The following NEURL1 variants were observed in gnomAD, a reference collection of about 807,000 sequenced individuals.
The protein encoded by NEURL1 is E3 ubiquitin-protein ligase NEURL1.
Under a neutral mutation model 41.2 loss-of-function variants are expected in NEURL1, and 26 were observed. The ratio of observed to expected loss-of-function variants is 0.63; its 90% CI spans 0.46 to 0.87. NEURL1 has a LOEUF of 0.87. Ranked by LOEUF, NEURL1 falls within the 40% of genes least tolerant of loss-of-function variation. NEURL1 has a pLI of 0.00. For synonymous variants in NEURL1, 400 were observed against 402.3 expected (o/e 0.99, Z 0.07); for missense variants, 761 against 871.1 (o/e 0.87, Z 1.59).
Position 103,508,087 on chromosome 10 carries a change from A to G in NEURL1, c.85+13615A>G, listed in dbSNP as rs1430353279. Among the ~76,000 whole-genome samples the G allele has an allele frequency of 6.6e-6, 1 of 152,228 alleles. No homozygotes were observed. The highest frequency in any genetic ancestry group is 2.4e-5 in the African/African-American group (1 of 41,462). On this transcript the variant is annotated intron_variant, in intron 1 of 5. Coordinates refer to ENST00000369780, the MANE Select transcript of NEURL1 (RefSeq NM_004210.5). This position sits in a 1 kb window ranked among gnomAD's most constrained non-coding sequence, Gnocchi z 4.3. ...TGGATGGATGGCCCTGTAGTAAAAC[A>G]GAATGCGGAAGAGCAGCTGAGAACC... is the stretch of plus-strand genomic sequence containing the variant.
chr10:103,533,568 A>G (rs2863992), intron 1 of NEURL1, among the ~76,000 whole-genome samples: 36,463 of 142,874 alleles, frequency 0.26, 4,718 homozygotes, highest in East Asian at 0.29. Context: ...ATGGAGTCTC[A>G]CTCTGTCGCC....
intron 1 of NEURL1, among the ~76,000 whole-genome samples, chr10:103,557,861 T>C (rs1056474184): frequency 1.3e-5 from 2 of 152,202 alleles, no homozygotes; most frequent in African/African-American, 4.8e-5. Context: ...AAATGGTCCT[T>C]GATTGTATTA....
At chr10:103,502,368 C>T (rs565417787) in intron 1 of NEURL1, among the ~76,000 whole-genome samples, 68 of 152,250 alleles carry the variant, frequency 4.5e-4, no homozygotes, top group Admixed American at 1.1e-3. Context: ...ATCAAGGTGC[C>T]AGCACTGTCA....
Position 103,494,366 on chromosome 10 carries a change from G to T in NEURL1, c.-22G>T, listed in dbSNP as rs757996205. The T allele has an allele frequency of 1.3e-6, 2 of 1,565,152 alleles. No homozygotes were observed. Among genetic ancestry groups the T allele is most frequent in the Non-Finnish European group, 1.7e-6 (2 of 1,154,628 alleles). ...GGCCTCGCCCCCACCCGCGAGCGCC[G>T]AACCTCCTGGGGCCGGATGCCATGG... On this transcript the variant is annotated 5_prime_UTR_variant, in exon 1 of 6. Transcript: ENST00000369780.
At chr10:103,504,054 C>T (rs900258856) in intron 1 of NEURL1, among the ~76,000 whole-genome samples, 19 of 151,598 alleles carry the variant, frequency 1.3e-4, no homozygotes, top group African/African-American at 4.4e-4. Flanking sequence ...AGTGCAGTGG[C>T]GCCATCTCAG....
intron 1 of NEURL1, among the ~76,000 whole-genome samples, chr10:103,515,766 T>C (rs914044600): frequency 3.3e-5 from 5 of 152,144 alleles, no homozygotes; most frequent in African/African-American, 9.7e-5. Flanking sequence ...AAGTTTTAGA[T>C]TTGCTTTTTG....
chr10:103,496,084 T>C (rs118177631), intron 1 of NEURL1, among the ~76,000 whole-genome samples: 5,156 of 151,188 alleles, frequency 0.034, 78 homozygotes, highest in Non-Finnish European at 0.044. Flanking sequence ...CACTCCAGCC[T>C]GAGCGACAGA....
intron 1 of NEURL1, among the ~76,000 whole-genome samples, chr10:103,513,311 A>G (rs977006413): frequency 9.2e-5 from 14 of 152,238 alleles, no homozygotes; most frequent in African/African-American, 3.1e-4. Flanking sequence ...CAGCTAACAT[A>G]AACCAGCCGG....
At chr10:103,500,350 G>A (rs1396591473) in intron 1 of NEURL1, among the ~76,000 whole-genome samples, 1 of 152,204 alleles carries the variant, frequency 6.6e-6, no homozygotes, top group Non-Finnish European at 1.5e-5. Flanking sequence ...ACAGATGGGG[G>A]AAAAGGGGCT....
chr10:103,557,177 CAGA>C (rs1470574975), intron 1 of NEURL1, among the ~76,000 whole-genome samples: 2 of 152,158 alleles, frequency 1.3e-5, no homozygotes, highest in Non-Finnish European at 2.9e-5. Flanking sequence ...CCTGCAATCC[CAGA>C]CACCTTGGAG....
At position 103,570,917 on chromosome 10, in the gene NEURL1, A is replaced by G; in HGVS notation, c.131A>G (p.His44Arg). The stretch of plus-strand genomic sequence containing the variant: ...CCCGTCACTTCTCACCGATGCCACC[A>G]CAAGCAGAAGCACTGTCCGGCAGTG... ...PFPVTSHRCH[H>R]KQKHCPAVLP... The change falls in exon 2 of 6, where the codon CAC becomes CGC. Residue 44 changes from histidine to arginine, a missense_variant. Coordinates refer to ENST00000369780, the MANE Select transcript of NEURL1 (RefSeq NM_004210.5). The G allele has an allele frequency of 6.2e-7, 1 of 1,613,614 alleles. No homozygotes were observed. Among genetic ancestry groups the G allele is most frequent in the East Asian group, 2.2e-5 (1 of 44,860 alleles).
At chr10:103,513,136 C>T (rs770751489) in intron 1 of NEURL1, among the ~76,000 whole-genome samples, 4 of 152,242 alleles carry the variant, frequency 2.6e-5, no homozygotes, top group South Asian at 2.1e-4. Flanking sequence ...AAGTCTTGCT[C>T]GCTCCCCAGC....
At chr10:103,572,992 CT>C (rs554119594) in intron 3 of NEURL1, among the ~76,000 whole-genome samples, 431 of 146,006 alleles carry the variant, frequency 3.0e-3, no homozygotes, top group African/African-American at 5.9e-3. Flanking sequence ...GGTTGAAAAC[CT>C]TTTTTTTTTT....
chr10:103,541,120 TG>T (rs2034812212), intron 1 of NEURL1, among the ~76,000 whole-genome samples: 1 of 152,126 alleles, frequency 6.6e-6, no homozygotes, highest in Non-Finnish European at 1.5e-5. Context: ...GGGAGTAGCA[TG>T]GTTTGTGTAG....
intron 1 of NEURL1, among the ~76,000 whole-genome samples, chr10:103,536,936 A>G (rs556872376): frequency 3.9e-5 from 6 of 152,026 alleles, no homozygotes; most frequent in African/African-American, 7.3e-5. Context: ...AGTGCCCTCA[A>G]CCCCAGGCAA....
chr10:103,503,138 T>C (rs1228318170), intron 1 of NEURL1, among the ~76,000 whole-genome samples: 1 of 152,154 alleles, frequency 6.6e-6, no homozygotes, highest in Non-Finnish European at 1.5e-5. Context: ...CTGTGGAGCC[T>C]GTGGGTCCCG....
intron 1 of NEURL1, among the ~76,000 whole-genome samples, chr10:103,496,864 C>G (rs966031726): frequency 2.0e-5 from 3 of 152,126 alleles, no homozygotes; most frequent in Non-Finnish European, 4.4e-5. Flanking sequence ...TCTGTGGAAA[C>G]CCAGAGAGCT....
At chr10:103,559,269 C>A (rs564654461) in intron 1 of NEURL1, among the ~76,000 whole-genome samples, 2 of 152,296 alleles carry the variant, frequency 1.3e-5, no homozygotes, top group South Asian at 4.2e-4. Context: ...CTTGAAGGTG[C>A]ACATCCCCAC....
At position 103,497,930 on chromosome 10, in the gene NEURL1, A is replaced by G. The variant is rs146265918; in HGVS notation, c.85+3458A>G. ...TATCAGGGGAGGATCTGAGCTGGAC[A>G]TGGAGGGAACTGCAGGAACTGGACA... is the stretch of plus-strand genomic sequence containing the variant. On this transcript the variant is annotated intron_variant, in intron 1 of 5. Transcript: ENST00000369780. Among the ~76,000 whole-genome samples the G allele has an allele frequency of 2.4e-4, 37 of 152,284 alleles. No individual in the cohort carries two copies. The East Asian group carries it at 5.8e-3, about 24-fold the overall frequency.
Sources: allele counts gnomAD v4.1 joint callset (sites outside exome capture counted in the v4.1 genomes callset), GRCh38; gene constraint gnomAD v4.1.1; non-coding constraint Gnocchi (gnomAD v3.1); transcripts MANE v1.5; gene names NCBI Gene and HGNC (gene_info 2026-07-23, HGNC 2026-07-21).